ASCC3: variants seen among roughly 807,000 people sequenced by gnomAD.
ASCC3 encodes the protein activating signal cointegrator 1 complex subunit 3.
Under a neutral mutation model 256.3 loss-of-function variants are expected in ASCC3, and 158 were observed. That is an observed-to-expected ratio of 0.62 (90% confidence interval 0.54 to 0.70). The LOEUF (loss-of-function observed/expected upper bound fraction) is 0.70, where lower values mean the gene tolerates loss of function less well. Among genes scored for constraint, ASCC3 ranks in the 30% least tolerant of loss-of-function variants. The probability of loss-of-function intolerance (pLI) is 0.00; values close to 1 mark genes in which losing one functional copy is unlikely to be tolerated. For synonymous variants in ASCC3, 948 were observed against 883.4 expected, an observed-to-expected ratio of 1.07 and a Z score of -1.30; for missense variants, 2,259 against 2,626.0, an observed-to-expected ratio of 0.86 and a Z score of 3.05.
At position 100,589,685 on chromosome 6, in the gene ASCC3, C is replaced by T; in HGVS notation, c.5499G>A (p.Lys1833=). ...YLKHQTVKMF[K]DRLKPECSTE... ...TACTGCATTCAGGCTTCAAGCGGTC[C>T]TTGAACATTTTAACTGTTTGATGCT... is the stretch of plus-strand genomic sequence containing the variant. The change falls in exon 36 of 42, where the codon AAG becomes AAA. Residue 1833 remains lysine (K), a synonymous_variant. Coordinates refer to ENST00000369162, the MANE Select transcript of ASCC3 (RefSeq NM_006828.4). 1 of 1,613,702 alleles carries T rather than the reference C, an allele frequency of 6.2e-7. No homozygotes were observed. Among genetic ancestry groups the T allele is most frequent in the South Asian group, 1.1e-5 (1 of 91,064 alleles).
At chr6:100,800,743 C>T (rs188747638) in intron 5 of ASCC3, among the ~76,000 whole-genome samples, 63 of 151,912 alleles carry the variant, frequency 4.1e-4, no homozygotes, top group Non-Finnish European at 7.2e-4. Context: ...CTAAACAGTT[C>T]AATGTCACTG....
intron 37 of ASCC3, among the ~76,000 whole-genome samples, chr6:100,536,649 T>C (rs949864571): frequency 1.3e-5 from 2 of 152,114 alleles, no homozygotes; most frequent in Admixed American, 1.3e-4. Flanking sequence ...AATTTTTTCG[T>C]GGAGATGGGG....
chr6:100,542,031 C>T (rs967736844), intron 36 of ASCC3, among the ~76,000 whole-genome samples: 2 of 152,064 alleles, frequency 1.3e-5, no homozygotes, highest in East Asian at 3.8e-4. Context: ...TTTAAAAAAT[C>T]AACACAACAT....
intron 8 of ASCC3, among the ~76,000 whole-genome samples, chr6:100,768,830 C>T (rs1414827057): frequency 1.3e-5 from 2 of 152,040 alleles, no homozygotes; most frequent in Admixed American, 1.3e-4. Flanking sequence ...AAAAACAAGT[C>T]TTAATAAATT....
At chr6:100,670,639 T>C (rs574455361) in intron 14 of ASCC3, among the ~76,000 whole-genome samples, 35 of 144,134 alleles carry the variant, frequency 2.4e-4, no homozygotes, top group African/African-American at 5.8e-4. Flanking sequence ...CCAACTTTTT[T>C]TCCCCCCCAA....
intron 11 of ASCC3, 55 bp from the exon 12 acceptor site, chr6:100,718,306 A>T (rs1352705351): frequency 1.5e-5 from 22 of 1,443,624 alleles, no homozygotes; most frequent in Non-Finnish European, 2.1e-5. Context: ...TAACCAAAAA[A>T]CATTATAATT....
At chr6:100,670,573 C>T (rs191799697) in intron 14 of ASCC3, among the ~76,000 whole-genome samples, 9 of 126,596 alleles carry the variant, frequency 7.1e-5, no homozygotes, top group East Asian at 5.6e-4. Context: ...CTTCCCCCCC[C>T]CCAAATTCTT....
intron 34 of ASCC3, among the ~76,000 whole-genome samples, chr6:100,596,383 AT>A (rs1562150357): frequency 6.6e-6 from 1 of 152,186 alleles, no homozygotes; most frequent in African/African-American, 2.4e-5. Context: ...TGAAATACTT[AT>A]CTTTTTGATG....
chr6:100,788,067 C>T (rs924866207), intron 8 of ASCC3, among the ~76,000 whole-genome samples: 9 of 151,614 alleles, frequency 5.9e-5, no homozygotes, highest in Admixed American at 4.6e-4. Context: ...ATATTACAAA[C>T]ACATATCTGA....
intron 4 of ASCC3, among the ~76,000 whole-genome samples, chr6:100,813,472 AC>A (rs1352367782): frequency 8.2e-4 from 124 of 151,222 alleles, no homozygotes; most frequent in African/African-American, 2.9e-3. Context: ...AACAACAACA[AC>A]AAAAAAAAAA....
intron 14 of ASCC3, among the ~76,000 whole-genome samples, chr6:100,673,480 T>A (rs1426185264): frequency 6.6e-6 from 1 of 152,104 alleles, no homozygotes; most frequent in Non-Finnish European, 1.5e-5. Flanking sequence ...ATTAATTTAT[T>A]GTAAGAAATT....
At chr6:100,686,550 C>A (rs947127192) in intron 13 of ASCC3, among the ~76,000 whole-genome samples, 4 of 152,236 alleles carry the variant, frequency 2.6e-5, no homozygotes, top group Non-Finnish European at 5.9e-5. Context: ...ATAGTTTTCT[C>A]ATTTATATTT....
At chr6:100,630,561 C>G (rs1456140647) in intron 26 of ASCC3, among the ~76,000 whole-genome samples, 1 of 148,680 alleles carries the variant, frequency 6.7e-6, no homozygotes, top group Non-Finnish European at 1.5e-5. Flanking sequence ...CAGAGTAATA[C>G]AATATTTTAC....
intron 4 of ASCC3, among the ~76,000 whole-genome samples, chr6:100,832,567 C>A (rs1304648595): frequency 6.6e-6 from 1 of 151,922 alleles, no homozygotes; most frequent in Non-Finnish European, 1.5e-5. Flanking sequence ...ATGAATAAAT[C>A]ATTTTTAACT....
intron 10 of ASCC3, among the ~76,000 whole-genome samples, chr6:100,751,448 C>T (rs556559869): frequency 1.3e-5 from 2 of 152,030 alleles, no homozygotes; most frequent in African/African-American, 4.8e-5. Context: ...ACCCCTACCA[C>T]AGCTTACAAA....
At chr6:100,832,227 G>A (rs1195846208) in intron 4 of ASCC3, among the ~76,000 whole-genome samples, 1 of 152,064 alleles carries the variant, frequency 6.6e-6, no homozygotes, top group Non-Finnish European at 1.5e-5. Context: ...GCTTATAAAG[G>A]AATAACAAAA....
intron 30 of ASCC3, among the ~76,000 whole-genome samples, chr6:100,618,708 T>A (rs79925643): frequency 0.03 from 4,612 of 152,272 alleles, 77 homozygotes; most frequent in African/African-American, 0.055. Context: ...CAGACAGTTA[T>A]CTGGTGGTGA....
chr6:100,815,011 T>G (rs984283309), intron 4 of ASCC3, among the ~76,000 whole-genome samples: 4 of 152,138 alleles, frequency 2.6e-5, no homozygotes, highest in African/African-American at 4.8e-5. Context: ...TCTCTAGTTC[T>G]TTTAGTTGTG....
intron 4 of ASCC3, 136 bp from the exon 5 acceptor site, chr6:100,806,016 C>A: frequency 2.6e-6 from 2 of 769,480 alleles, no homozygotes; most frequent in Admixed American, 3.0e-5. Context: ...AAAAATGGTA[C>A]CTTAAACTAA....
Sources: gnomAD v4.1 joint callset for allele counts (sites outside exome capture counted in the v4.1 genomes callset) on GRCh38, gnomAD v4.1.1 for gene constraint, MANE v1.5 for transcripts, NCBI Gene and HGNC (gene_info 2026-07-23, HGNC 2026-07-21) for gene names.